Variants in STK32B observed in about 807,000 individuals in gnomAD.
The protein encoded by STK32B is serine/threonine-protein kinase 32B.
Under a neutral mutation model 52.6 loss-of-function variants are expected in STK32B, and 43 were observed. That is an observed-to-expected ratio of 0.82 (90% confidence interval 0.64 to 1.05). The LOEUF is 1.05. Among genes scored for constraint, STK32B ranks in the 50% least tolerant of loss-of-function variants. The pLI is 0.00. For missense variants in STK32B, 621 were observed against 534.6 expected (o/e 1.16, Z -1.59); for synonymous variants, 238 against 204.3 (o/e 1.17, Z -1.41).
rs187432874 is a variant in STK32B at position 5,395,084 on chromosome 4, C to T, written c.435-3123C>T. 3.9e-4 allele frequency among the ~76,000 whole-genome samples: 59 copies of T among 152,222 alleles called. No homozygotes were observed. The East Asian group carries it at 0.01, about 26-fold the overall frequency. The stretch of plus-strand genomic sequence containing the variant: ...TCTTATGGCTGCAGGACTGGGGTCC[C>T]GTTTTCTTGCTACATATAGGCCAGC... On this transcript the variant is annotated intron_variant, in intron 4 of 11. Transcript: ENST00000282908. The surrounding 1 kb of genome is among the most constrained non-coding windows in gnomAD (Gnocchi z 4.4).
chr4:5,223,917 T>C (rs539946931), intron 3 of STK32B, among the ~76,000 whole-genome samples: 1 of 152,276 alleles, frequency 6.6e-6, no homozygotes, highest in African/African-American at 2.4e-5. Flanking sequence ...ATTCCTTTCC[T>C]CTTTCCTATT....
intron 5 of STK32B, among the ~76,000 whole-genome samples, chr4:5,402,848 G>A (rs1013739906): frequency 1.3e-5 from 2 of 152,196 alleles, no homozygotes; most frequent in African/African-American, 4.8e-5. Context: ...GAGGCCAGGA[G>A]AGTAGTGCAG....
chr4:5,256,017 G>T (rs550934587), intron 3 of STK32B, among the ~76,000 whole-genome samples: 2 of 152,262 alleles, frequency 1.3e-5, no homozygotes, highest in Non-Finnish European at 2.9e-5. Flanking sequence ...GTGCTATATT[G>T]ACTATACTGA....
chr4:5,286,611 T>C (rs1253243639), intron 3 of STK32B, among the ~76,000 whole-genome samples: 1 of 152,112 alleles, frequency 6.6e-6, no homozygotes, highest in East Asian at 1.9e-4. Context: ...GATCTATCCA[T>C]TTTGTTGCAA....
At chr4:5,162,848 G>A (rs1211282149) in intron 2 of STK32B, among the ~76,000 whole-genome samples, 2 of 152,204 alleles carry the variant, frequency 1.3e-5, no homozygotes, top group African/African-American at 4.8e-5. Flanking sequence ...AGAGTTTGCT[G>A]TTGGTGACAA....
intron 3 of STK32B, among the ~76,000 whole-genome samples, chr4:5,258,688 C>T (rs930476071): frequency 3.3e-5 from 5 of 152,188 alleles, no homozygotes; most frequent in African/African-American, 1.2e-4. Context: ...CCAGCTTCCA[C>T]CCTGGTTCAA....
chr4:5,337,057 C>T (rs1021526713), intron 4 of STK32B, among the ~76,000 whole-genome samples: 1 of 152,122 alleles, frequency 6.6e-6, no homozygotes, highest in African/African-American at 2.4e-5. Context: ...TGGCTCACTG[C>T]AGCCTCAACC....
chr4:5,165,550 G>T (rs1035005138), intron 2 of STK32B, among the ~76,000 whole-genome samples: 3 of 152,172 alleles, frequency 2.0e-5, no homozygotes, highest in Non-Finnish European at 2.9e-5. Context: ...TCCCAGCCCC[G>T]CAGAGGCAGT....
chr4:5,338,526 C>T (rs1732857228), intron 4 of STK32B, among the ~76,000 whole-genome samples: 1 of 152,130 alleles, frequency 6.6e-6, no homozygotes, highest in Non-Finnish European at 1.5e-5. Context: ...CATTCATGAA[C>T]TAGAGTGCAA....
At chr4:5,072,132 G>T (rs974187300) in intron 1 of STK32B, among the ~76,000 whole-genome samples, 1 of 152,122 alleles carries the variant, frequency 6.6e-6, no homozygotes, top group Non-Finnish European at 1.5e-5. Context: ...TTCAAATAGG[G>T]TGTTAGTTTG....
At chr4:5,203,270 T>C (rs1451563336) in intron 3 of STK32B, among the ~76,000 whole-genome samples, 1 of 152,214 alleles carries the variant, frequency 6.6e-6, no homozygotes, top group African/African-American at 2.4e-5. Context: ...ATGATTTCCC[T>C]CCAGAGGAAT....
At chr4:5,350,618 C>G (rs1176905143) in intron 4 of STK32B, among the ~76,000 whole-genome samples, 1 of 152,034 alleles carries the variant, frequency 6.6e-6, no homozygotes, top group Admixed American at 6.5e-5. Flanking sequence ...AATTAAATGA[C>G]AGGAATATAC....
intron 1 of STK32B, among the ~76,000 whole-genome samples, chr4:5,066,458 G>A (rs1384957684): frequency 2.2e-4 from 33 of 152,254 alleles, no homozygotes; most frequent in South Asian, 1.5e-3. Context: ...AAGTATGATC[G>A]TGTCGGTTCC....
chr4:5,333,144 C>T (rs1732389729), intron 4 of STK32B, among the ~76,000 whole-genome samples: 1 of 152,040 alleles, frequency 6.6e-6, no homozygotes, highest in Non-Finnish European at 1.5e-5. Flanking sequence ...TCTCCACATC[C>T]TCTCCAGCAC....
intron 3 of STK32B, among the ~76,000 whole-genome samples, chr4:5,246,870 G>A (rs191967450): frequency 0.06 from 9,196 of 152,238 alleles, 421 homozygotes; most frequent in African/African-American, 0.13. Flanking sequence ...TATCAGCAGC[G>A]GTGGCTGCAG....
intron 11 of STK32B, among the ~76,000 whole-genome samples, chr4:5,496,344 C>T (rs1484330999): frequency 3.3e-5 from 5 of 152,176 alleles, no homozygotes; most frequent in Non-Finnish European, 5.9e-5. Flanking sequence ...GCTGTGCTAG[C>T]AATCAGCGAG....
intron 1 of STK32B, among the ~76,000 whole-genome samples, chr4:5,127,896 C>T (rs1010434060): frequency 1.3e-4 from 20 of 151,520 alleles, no homozygotes; most frequent in Admixed American, 3.3e-4. Flanking sequence ...CTCACGAGAT[C>T]TGATGGTTTT....
intron 3 of STK32B, among the ~76,000 whole-genome samples, chr4:5,201,336 T>A (rs1391485078): frequency 6.6e-6 from 1 of 152,188 alleles, no homozygotes; most frequent in Non-Finnish European, 1.5e-5. Flanking sequence ...CTGGGAGACC[T>A]CAGCCCTGCA....
intron 1 of STK32B, chr4:5,139,512 G>C (rs1716275486): frequency 5.1e-6 from 1 of 197,890 alleles, no homozygotes; most frequent in Non-Finnish European, 1.1e-5. Context: ...GAAGCATGAA[G>C]GGGAGAATTG....
Sources: allele counts gnomAD v4.1 joint callset (sites outside exome capture counted in the v4.1 genomes callset), GRCh38; gene constraint gnomAD v4.1.1; non-coding constraint Gnocchi (gnomAD v3.1); transcripts MANE v1.5; gene names NCBI Gene and HGNC (gene_info 2026-07-23, HGNC 2026-07-21).